The following KDM4F variants were observed in gnomAD, a reference collection of about 807,000 sequenced individuals.
The protein encoded by KDM4F is lysine demethylase 4F.
For missense variants in KDM4F, 586 were observed against 496.4 expected, an observed-to-expected ratio of 1.18 and a Z score of -1.71; for synonymous variants, 223 against 184.4, an observed-to-expected ratio of 1.21 and a Z score of -1.70.
At chr11:95,050,346 T>C in exon 1 of KDM4F, 4 of 1,188,054 alleles carry the variant, frequency 3.4e-6, no homozygotes, top group South Asian at 1.2e-5. Context: ...ACAGTGTAGC[T>C]GTGGCGAGGC....
chr11:95,050,184 G>A (rs1167081611), exon 1 of KDM4F: 1 of 1,547,170 alleles, frequency 6.5e-7, no homozygotes, highest in African/African-American at 1.4e-5. Context: ...CAAAAAGAAT[G>A]GGATCCCCTT....
exon 1 of KDM4F, chr11:95,051,286 T>C (rs879984103): frequency 1.3e-5 from 5 of 398,626 alleles, no homozygotes; most frequent in Admixed American, 4.4e-5. Context: ...CTCCAATGCA[T>C]GATCAATCCT....
Sources: gnomAD v4.1 joint callset for allele counts on GRCh38, gnomAD v4.1.1 for gene constraint, MANE v1.5 for transcripts, NCBI Gene and HGNC (gene_info 2026-07-23, HGNC 2026-07-21) for gene names.